Variants in ESRRB observed in about 807,000 individuals in gnomAD.
The protein encoded by ESRRB is steroid hormone receptor ERR2.
ESRRB carries 16 observed loss-of-function variants against 46.0 expected under a neutral mutation model. That is an observed-to-expected ratio of 0.35 (90% CI 0.24 to 0.53). The LOEUF is 0.53. Ranked by LOEUF, ESRRB falls within the 20% of genes least tolerant of loss-of-function variation. ESRRB has a pLI of 0.93. For missense variants in ESRRB, 488 were observed against 607.4 expected (o/e 0.80, Z 2.07); for synonymous variants, 246 against 259.6 (o/e 0.95, Z 0.50).
chr14:76,344,997 G>T (rs1373348143), intron 1 of ESRRB, among the ~76,000 whole-genome samples: 1 of 152,094 alleles, frequency 6.6e-6, no homozygotes, highest in Non-Finnish European at 1.5e-5. Context: ...ATTTGGGTTG[G>T]TTCCATGATT....
intron 1 of ESRRB, chr14:76,310,959 G>A (rs116254528): frequency 6.0e-4 from 266 of 445,726 alleles, no homozygotes; most frequent in African/African-American, 4.9e-3. Context: ...CAGACTCTGC[G>A]GGTCCTTTTC....
At chr14:76,311,508 C>G (rs907254580) in intron 1 of ESRRB, among the ~76,000 whole-genome samples, 46 of 152,306 alleles carry the variant, frequency 3.0e-4, no homozygotes, top group African/African-American at 1.1e-3. Context: ...CTCTCCCCTC[C>G]GCGGAGCAAG....
intron 3 of ESRRB, among the ~76,000 whole-genome samples, chr14:76,469,389 C>T (rs914741116): frequency 6.6e-6 from 1 of 152,074 alleles, no homozygotes; most frequent in Non-Finnish European, 1.5e-5. Flanking sequence ...GCTACCATGC[C>T]CAACCCCTTA....
chr14:76,392,730 G>T (rs139252223), intron 1 of ESRRB, among the ~76,000 whole-genome samples: 5 of 152,252 alleles, frequency 3.3e-5, no homozygotes, highest in African/African-American at 1.2e-4. Flanking sequence ...TGCCACCAGG[G>T]CCTCATCCCA....
intron 3 of ESRRB, among the ~76,000 whole-genome samples, chr14:76,478,688 C>T (rs993360930): frequency 6.6e-6 from 1 of 152,070 alleles, no homozygotes; most frequent in South Asian, 2.1e-4. Flanking sequence ...GTCCTGTCAC[C>T]ATTCCAAGGG....
intron 5 of ESRRB, among the ~76,000 whole-genome samples, chr14:76,484,031 T>G (rs1218597536): frequency 6.6e-6 from 1 of 152,170 alleles, no homozygotes; most frequent in African/African-American, 2.4e-5. Context: ...TTTTTTTGTA[T>G]TTTTAGTAGA....
rs966821055 is a variant in ESRRB at position 76,376,257 on chromosome 14, C to G, written c.-145C>G. 1 of 482,182 alleles carries G rather than the reference C, an allele frequency of 2.1e-6. No homozygotes were observed. The highest frequency in any genetic ancestry group is 3.3e-6 in the Non-Finnish European group (1 of 303,440). 29.9% of individuals were successfully genotyped at this position (482,182 alleles called of 1,614,324 possible). A position where few individuals can be genotyped will look rare whatever the true frequency, so the allele number is the denominator to read the frequency against. ...CACGGCTCTCTGCCTCCCTCTCCCCCGCCGCGGCCGCCTCCTCCCACTCTG... is the reference window on the plus strand; with the variant it reads ...CACGGCTCTCTGCCTCCCTCTCCCCGGCCGCGGCCGCCTCCTCCCACTCTG... On this transcript the variant is annotated 5_prime_UTR_variant, in exon 1 of 7. Transcript: ENST00000644823. This position sits in a 1 kb window ranked among gnomAD's most constrained non-coding sequence, Gnocchi z 4.1.
chr14:76,346,851 C>G (rs7140342), intron 1 of ESRRB, among the ~76,000 whole-genome samples: 82,882 of 152,120 alleles, frequency 0.54, 22,800 homozygotes, highest in Admixed American at 0.68. Context: ...ACGCCGTAGT[C>G]TGTGGATTAT....
At chr14:76,336,552 C>T (rs1225429630) in intron 1 of ESRRB, among the ~76,000 whole-genome samples, 4 of 152,212 alleles carry the variant, frequency 2.6e-5, no homozygotes, top group Admixed American at 6.5e-5. Flanking sequence ...CCCTGACACC[C>T]TCTTCATGGC....
At chr14:76,484,837 T>C (rs1889941699) in intron 5 of ESRRB, among the ~76,000 whole-genome samples, 1 of 152,226 alleles carries the variant, frequency 6.6e-6, no homozygotes, top group Non-Finnish European at 1.5e-5. Flanking sequence ...AGATACTGAA[T>C]TTTTCGGAGC....
chr14:76,320,250 G>A (rs1440043408), intron 1 of ESRRB, among the ~76,000 whole-genome samples: 2 of 152,214 alleles, frequency 1.3e-5, no homozygotes, highest in Non-Finnish European at 2.9e-5. Flanking sequence ...TATCTCAGAG[G>A]CTACCAAAGT....
chr14:76,385,793 CCTT>C (rs1205150569), intron 1 of ESRRB, among the ~76,000 whole-genome samples: 3 of 152,162 alleles, frequency 2.0e-5, no homozygotes, highest in Admixed American at 2.0e-4. Flanking sequence ...GGGATGGAGT[CCTT>C]CTTGGTTTCC....
chr14:76,453,181 C>A (rs1490108593), intron 2 of ESRRB, among the ~76,000 whole-genome samples: 1 of 152,198 alleles, frequency 6.6e-6, no homozygotes, highest in African/African-American at 2.4e-5. Context: ...GGTTGAGGGA[C>A]CCTGCGGAAC....
chr14:76,354,706 C>CTT (rs59146659), intron 1 of ESRRB, among the ~76,000 whole-genome samples: 15,475 of 111,248 alleles, frequency 0.14, 1,575 homozygotes, highest in African/African-American at 0.25. Context: ...AGGTCCTGGG[C>CTT]TTTTTTTTTT....
intron 1 of ESRRB, among the ~76,000 whole-genome samples, chr14:76,377,174 T>A (rs1394547929): frequency 6.6e-6 from 1 of 152,166 alleles, no homozygotes; most frequent in African/African-American, 2.4e-5. Context: ...CCTGGGGTTA[T>A]CCGAGCGGCG....
chr14:76,338,297 G>A (rs568213569), intron 1 of ESRRB, among the ~76,000 whole-genome samples: 16 of 152,256 alleles, frequency 1.1e-4, no homozygotes, highest in Non-Finnish European at 2.1e-4. Context: ...GGCATGGAGC[G>A]AGCACCCAGG....
chr14:76,423,238 C>T (rs904384282), intron 1 of ESRRB, among the ~76,000 whole-genome samples: 2 of 150,930 alleles, frequency 1.3e-5, no homozygotes, highest in East Asian at 2.0e-4. Context: ...CTGCCTCCCG[C>T]GCTCAAGAAA....
intron 1 of ESRRB, among the ~76,000 whole-genome samples, chr14:76,358,732 T>C (rs1229812941): frequency 6.6e-6 from 1 of 152,268 alleles, no homozygotes; most frequent in Non-Finnish European, 1.5e-5. Context: ...TAAAATGTTT[T>C]CTTGTTAAAA....
chr14:76,440,213 A>G (rs1324499492), intron 2 of ESRRB, among the ~76,000 whole-genome samples: 1 of 152,184 alleles, frequency 6.6e-6, no homozygotes, highest in African/African-American at 2.4e-5. Flanking sequence ...CATGCCTGTA[A>G]TCCCAGCACT....
Sources: allele counts gnomAD v4.1 joint callset (sites outside exome capture counted in the v4.1 genomes callset), GRCh38; gene constraint gnomAD v4.1.1; non-coding constraint Gnocchi (gnomAD v3.1); transcripts MANE v1.5; gene names NCBI Gene and HGNC (gene_info 2026-07-23, HGNC 2026-07-21).